DYNC2H1: variants seen among roughly 807,000 people sequenced by gnomAD.
DYNC2H1 encodes the protein cytoplasmic dynein 2 heavy chain 1.
A neutral mutation model predicts 570.0 loss-of-function variants in DYNC2H1; 410 were observed. That is an observed-to-expected ratio of 0.72 (90% CI 0.66 to 0.78). DYNC2H1 has a LOEUF of 0.78. DYNC2H1 is among the 30% of genes least tolerant of loss of function. DYNC2H1 has a pLI of 0.00. For synonymous variants in DYNC2H1, 1,688 were observed against 1,677.6 expected (o/e 1.01, Z -0.15); for missense variants, 4,865 against 5,046.4 (o/e 0.96, Z 1.09).
rs1862699815 is a variant in DYNC2H1 at position 103,201,053 on chromosome 11, C to A, written c.8197+899C>A. Reference sequence around the variant, plus strand: ...TGTTGGCCAGGATGGTCTCGAACTCCTGACTTCAGGTGATCCTCCCGCCTT... The same window carrying A: ...TGTTGGCCAGGATGGTCTCGAACTCATGACTTCAGGTGATCCTCCCGCCTT... On this transcript the variant is annotated intron_variant, in intron 50 of 88. Transcript: ENST00000375735. This position sits in a 1 kb window ranked among gnomAD's most constrained non-coding sequence, Gnocchi z 4.8. Among the ~76,000 whole-genome samples, 1 of 152,130 alleles carries A rather than the reference C, an allele frequency of 6.6e-6. No individual in the cohort carries two copies.
chr11:103,422,902 TG>T lies in DYNC2H1; in HGVS notation c.12367-13040del, dbSNP rs529112568. The stretch of plus-strand genomic sequence containing the variant: ...GGAAGAGAGGAAGTCAAATTGTTTT[TG>T]TTTGCAGATGACATGATCCTATATC... On this transcript the variant is annotated intron_variant, in intron 84 of 88. Coordinates refer to ENST00000375735, the MANE Select transcript of DYNC2H1 (RefSeq NM_001377.3). Among the ~76,000 whole-genome samples, 193 of 152,292 alleles carry T rather than the reference TG, an allele frequency of 1.3e-3. 1 individual carries two copies. The highest frequency in any genetic ancestry group is 4.4e-3 in the African/African-American group (181 of 41,566).
Position 103,157,297 on chromosome 11 carries a change from G to A in DYNC2H1, c.4127+527G>A, listed in dbSNP as rs2134899739. ...GTAATCTTAACCACTGCCAGCATCA[G>A]TTCTCTTTTATATGCTGAGGTCTCC... is the stretch of plus-strand genomic sequence containing the variant. On this transcript the variant is annotated intron_variant, in intron 26 of 88. Coordinates refer to ENST00000375735, the MANE Select transcript of DYNC2H1 (RefSeq NM_001377.3). This position sits in a 1 kb window ranked among gnomAD's most constrained non-coding sequence, Gnocchi z 4.2. Among the ~76,000 whole-genome samples, 1 of 152,268 alleles carries A rather than the reference G, an allele frequency of 6.6e-6. No individual in the cohort carries two copies. Among genetic ancestry groups the A allele is most frequent in the East Asian group, 1.9e-4 (1 of 5,182 alleles).
Position 103,129,053 on chromosome 11 carries a change from G to A in DYNC2H1, c.1953+48G>A, listed in dbSNP as rs1447290443. The A allele has an allele frequency of 5.4e-6, 8 of 1,472,320 alleles. No homozygotes were observed. The highest frequency in any genetic ancestry group is 2.3e-5 in the East Asian group (1 of 42,726). 91.2% of individuals were successfully genotyped at this position (1,472,320 alleles called of 1,614,324 possible). On this transcript the variant is annotated intron_variant, in intron 13 of 88. Transcript: ENST00000375735. This position sits in a 1 kb window ranked among gnomAD's most constrained non-coding sequence, Gnocchi z 4.1. ...TATAATTAGATTTTACATGTGAAGTGTTTAATTCTTAATTTTCCGGTGTTC... is the reference window on the plus strand; with the variant it reads ...TATAATTAGATTTTACATGTGAAGTATTTAATTCTTAATTTTCCGGTGTTC...
At chr11:103,428,537 C>T (rs967007436) in intron 84 of DYNC2H1, among the ~76,000 whole-genome samples, 1 of 152,132 alleles carries the variant, frequency 6.6e-6, no homozygotes, top group African/African-American at 2.4e-5. Flanking sequence ...TTTAAGTATA[C>T]AGTTCAGTAG....
Position 103,143,408 on chromosome 11 carries a change from A to G in DYNC2H1, c.2702+13A>G, listed in dbSNP as rs1860068320. On this transcript the variant is annotated intron_variant, in intron 18 of 88. Coordinates refer to ENST00000375735, the MANE Select transcript of DYNC2H1 (RefSeq NM_001377.3). ...AACGACTTCCAAGGTATTGGAGGTT[A>G]ATGTAGTACTTACGTACCATAATAA... The G allele has an allele frequency of 6.3e-7, 1 of 1,599,548 alleles. No individual in the cohort carries two copies. The highest frequency in any genetic ancestry group is 8.5e-7 in the Non-Finnish European group (1 of 1,174,310).
chr11:103,425,372 G>A (rs1438210886), intron 84 of DYNC2H1, among the ~76,000 whole-genome samples: 1 of 152,090 alleles, frequency 6.6e-6, no homozygotes, highest in Non-Finnish European at 1.5e-5. Flanking sequence ...TTCTGATGAC[G>A]GCCGCCTTCC....
At chr11:103,338,629 T>C (rs1939282587) in intron 82 of DYNC2H1, among the ~76,000 whole-genome samples, 1 of 152,236 alleles carries the variant, frequency 6.6e-6, no homozygotes, top group Non-Finnish European at 1.5e-5. Context: ...TTTTTCAGTT[T>C]GTCAATTGAA....
At chr11:103,347,541 A>G (rs1939803322) in intron 82 of DYNC2H1, among the ~76,000 whole-genome samples, 1 of 152,156 alleles carries the variant, frequency 6.6e-6, no homozygotes, top group South Asian at 2.1e-4. Flanking sequence ...GAATGAAGCA[A>G]GTGCTGGAAA....
Position 103,170,711 on chromosome 11 carries a change from C to T in DYNC2H1, c.5152-175C>T, listed in dbSNP as rs1303483628. On this transcript the variant is annotated intron_variant, in intron 33 of 88. Coordinates refer to ENST00000375735, the MANE Select transcript of DYNC2H1 (RefSeq NM_001377.3). This position sits in a 1 kb window ranked among gnomAD's most constrained non-coding sequence, Gnocchi z 4.8. ...TTCACATGCATTATTTTGTTTATCCCTTGAAATCAACCTGGGTTTTGAAAG... is the reference window on the plus strand; with the variant it reads ...TTCACATGCATTATTTTGTTTATCCTTTGAAATCAACCTGGGTTTTGAAAG... Among the ~76,000 whole-genome samples the T allele has an allele frequency of 6.6e-6, 1 of 152,082 alleles. No individual in the cohort carries two copies. Among genetic ancestry groups the T allele is most frequent in the African/African-American group, 2.4e-5 (1 of 41,404 alleles).
In DYNC2H1 at chr11:103,302,968, T is replaced by G. The variant is rs571039913; in HGVS notation, c.11096-125T>G. ...GTATATTATTTTAGAGTAGAAAAAC[T>G]TTAATGTATTATGAGATTACAACTC... On this transcript the variant is annotated intron_variant, in intron 75 of 88. Coordinates refer to ENST00000375735, the MANE Select transcript of DYNC2H1 (RefSeq NM_001377.3). 4.2e-5 allele frequency: 28 copies of G among 672,828 alleles called. No homozygotes were observed. In the African/African-American group the frequency reaches 4.3e-4, roughly 10 times the overall value. 41.7% of individuals were successfully genotyped at this position (672,828 alleles called of 1,614,324 possible). A position where few individuals can be genotyped will look rare whatever the true frequency, so the allele number is the denominator to read the frequency against.
At chr11:103,128,495 A>T (rs1435182971) in intron 12 of DYNC2H1, among the ~76,000 whole-genome samples, 1 of 152,226 alleles carries the variant, frequency 6.6e-6, no homozygotes, top group Non-Finnish European at 1.5e-5. Context: ...AGCATTAAGG[A>T]TATCTCAAAG....
intron 82 of DYNC2H1, among the ~76,000 whole-genome samples, chr11:103,350,410 T>C (rs1428884994): frequency 6.6e-6 from 1 of 152,190 alleles, no homozygotes; most frequent in Non-Finnish European, 1.5e-5. Flanking sequence ...TCTTTATTTG[T>C]CTTCTTGGGA....
chr11:103,137,172 A>G (rs892287121), intron 17 of DYNC2H1, among the ~76,000 whole-genome samples: 8 of 148,164 alleles, frequency 5.4e-5, no homozygotes, highest in African/African-American at 1.5e-4. Context: ...CCCATTTTGT[A>G]GGTTGCCTGT....
intron 87 of DYNC2H1, among the ~76,000 whole-genome samples, chr11:103,457,150 G>A (rs1477071542): frequency 6.6e-6 from 1 of 152,166 alleles, no homozygotes; most frequent in Non-Finnish European, 1.5e-5. Context: ...AGTGATGCTA[G>A]TGTAAACAAA....
Position 103,199,099 on chromosome 11 carries a change from T to C in DYNC2H1, c.7840-129T>C, listed in dbSNP as rs938979519. The stretch of plus-strand genomic sequence containing the variant: ...GACATATAAAATATTGAGTGTGAGA[T>C]GATATGTAGTCACTTTACTTTTTTT... On this transcript the variant is annotated intron_variant, in intron 48 of 88. Coordinates refer to ENST00000375735, the MANE Select transcript of DYNC2H1 (RefSeq NM_001377.3). This position sits in a 1 kb window ranked among gnomAD's most constrained non-coding sequence, Gnocchi z 4.6. The C allele has an allele frequency of 8.9e-6, 5 of 560,698 alleles. No individual in the cohort carries two copies. In the East Asian group the frequency reaches 9.5e-5, roughly 11 times the overall value. 34.7% of individuals were successfully genotyped at this position (560,698 alleles called of 1,614,324 possible).
intron 45 of DYNC2H1, among the ~76,000 whole-genome samples, chr11:103,190,260 G>A (rs2135045035): frequency 6.6e-6 from 1 of 152,260 alleles, no homozygotes; most frequent in East Asian, 1.9e-4. Context: ...CTTGAAAGTA[G>A]GCATTGAGGA....
At chr11:103,111,734 T>C (rs531847566) in intron 1 of DYNC2H1, among the ~76,000 whole-genome samples, 1 of 152,154 alleles carries the variant, frequency 6.6e-6, no homozygotes, top group East Asian at 1.9e-4. Context: ...AGCCCAACGA[T>C]GTATCTGTTA....
chr11:103,392,452 G>A (rs1267368235), intron 83 of DYNC2H1, among the ~76,000 whole-genome samples: 1 of 152,236 alleles, frequency 6.6e-6, no homozygotes, highest in Admixed American at 6.5e-5. Context: ...CTTACTGGGT[G>A]AGGTGATGCC....
At position 103,329,034 on chromosome 11, in the gene DYNC2H1, G is replaced by A. The variant is rs1435706184; in HGVS notation, c.12039+5044G>A. Among the ~76,000 whole-genome samples, 14 of 152,154 alleles carry A rather than the reference G, an allele frequency of 9.2e-5. 1 individual carries two copies. Among genetic ancestry groups the A allele is most frequent in the African/African-American group, 2.4e-5 (1 of 41,534 alleles). ...TAGTAGGAACATAGACTAAATAAAC[G>A]TAGGACAGACTTCAGATGTAGATAT... On this transcript the variant is annotated intron_variant, in intron 82 of 88. Coordinates refer to ENST00000375735, the MANE Select transcript of DYNC2H1 (RefSeq NM_001377.3).
Sources: allele counts gnomAD v4.1 joint callset (sites outside exome capture counted in the v4.1 genomes callset), GRCh38; gene constraint gnomAD v4.1.1; non-coding constraint Gnocchi (gnomAD v3.1); transcripts MANE v1.5; gene names NCBI Gene and HGNC (gene_info 2026-07-23, HGNC 2026-07-21).